PCDHA3: variants seen among roughly 807,000 people sequenced by gnomAD.
PCDHA3 encodes the protein protocadherin alpha 3.
A neutral mutation model predicts 62.2 loss-of-function variants in PCDHA3; 41 were observed. The ratio of observed to expected loss-of-function variants is 0.66; its 90% CI spans 0.51 to 0.86. The LOEUF is 0.86. PCDHA3 is among the 40% of genes least tolerant of loss of function. The probability of loss-of-function intolerance (pLI) is 0.00; values close to 1 mark genes in which losing one functional copy is unlikely to be tolerated. For synonymous variants in PCDHA3, 640 were observed against 555.4 expected, an observed-to-expected ratio of 1.15 and a Z score of -2.14; for missense variants, 1,304 against 1,241.2, an observed-to-expected ratio of 1.05 and a Z score of -0.76.
chr5:140,933,645 G>A lies in PCDHA3; in HGVS notation c.2395-45304G>A, dbSNP rs1014286392. Among the ~76,000 whole-genome samples the A allele has an allele frequency of 3.3e-5, 5 of 151,892 alleles. No individual in the cohort carries two copies. The South Asian group carries it at 8.3e-4, about 25-fold the overall frequency. On this transcript the variant is annotated intron_variant, in intron 1 of 3. Transcript: ENST00000522353. ...TAGGCTGGCCCTGTTAAACAAGTTG[G>A]AAATCCTGTCTCTCTCTCTGTCTCT...
In PCDHA3 at chr5:140,857,896, T is replaced by A; in HGVS notation, c.2394+54305T>A. 4 of 1,597,704 alleles carry A rather than the reference T, an allele frequency of 2.5e-6. 1 individual carries two copies. The highest frequency in any genetic ancestry group is 3.4e-6 in the Non-Finnish European group (4 of 1,167,490). On this transcript the variant is annotated intron_variant, in intron 1 of 3. Coordinates refer to ENST00000522353, the MANE Select transcript of PCDHA3 (RefSeq NM_018906.3). ...ATGAATTGCAGTCGGCGGCGGTTGGTGCACGCATCCCGTTTCGCGTGGGGC... is the reference window on the plus strand; with the variant it reads ...ATGAATTGCAGTCGGCGGCGGTTGGAGCACGCATCCCGTTTCGCGTGGGGC...
intron 1 of PCDHA3, chr5:140,875,646 G>T (rs781973102): frequency 6.2e-7 from 1 of 1,613,722 alleles, no homozygotes; most frequent in Non-Finnish European, 8.5e-7. Context: ...AGCTGGCGGA[G>T]CTGGTGCCGC....
intron 1 of PCDHA3, chr5:140,883,837 G>A (rs1554180178): frequency 6.2e-7 from 1 of 1,612,730 alleles, no homozygotes; most frequent in East Asian, 2.2e-5. Context: ...TGCAGCCGTT[G>A]GACCACGAGG....
At chr5:140,811,558 C>A (rs1764905109) in intron 1 of PCDHA3, 1 of 152,206 alleles carries the variant, frequency 6.6e-6, no homozygotes, top group South Asian at 2.1e-4. Context: ...AGTTCCAGAT[C>A]CTTGAGGAAT....
chr5:140,808,109 A>G, intron 1 of PCDHA3: 1 of 1,614,014 alleles, frequency 6.2e-7, no homozygotes, highest in Non-Finnish European at 8.5e-7. Flanking sequence ...AAAGGGATAT[A>G]TTGACTTTGA....
At chr5:140,870,543 C>T (rs1554164396) in intron 1 of PCDHA3, 6 of 1,614,114 alleles carry the variant, frequency 3.7e-6, no homozygotes, top group South Asian at 1.1e-5. Context: ...CGGCGCGGGA[C>T]GCGGACGCGC....
rs1554168215 is a variant in PCDHA3, at chr5:140,876,039, T to A, written c.2394+72448T>A. 3 of 1,613,746 alleles carry A rather than the reference T, an allele frequency of 1.9e-6. No individual in the cohort carries two copies. Among genetic ancestry groups the A allele is most frequent in the South Asian group, 2.2e-5 (2 of 91,062 alleles). On this transcript the variant is annotated intron_variant, in intron 1 of 3. Transcript: ENST00000522353. ...AAATAAAAACAAAAAAAGATAAAAG[T>A]ATATTGCCTGAATTAGTTCTTCGGA...
intron 1 of PCDHA3, chr5:140,843,313 G>C (rs1554139942): frequency 8.8e-6 from 14 of 1,596,074 alleles, no homozygotes; most frequent in Non-Finnish European, 1.1e-5. Flanking sequence ...CCACGGCCAC[G>C]GTTCTGGTGT....
intron 1 of PCDHA3, chr5:140,857,403 C>T (rs782020024): frequency 1.3e-6 from 2 of 1,598,418 alleles, no homozygotes; most frequent in African/African-American, 2.7e-5. Flanking sequence ...GACAACGCGC[C>T]TGCGTTCGCG....
chr5:140,928,733 A>G (rs1435823697), intron 1 of PCDHA3: 2 of 1,614,100 alleles, frequency 1.2e-6, no homozygotes, highest in Non-Finnish European at 1.7e-6. Context: ...ATTTCAGCCA[A>G]TATAGGTGAG....
chr5:140,858,262 G>A lies in PCDHA3; in HGVS notation c.2394+54671G>A. On this transcript the variant is annotated intron_variant, in intron 1 of 3. Coordinates refer to ENST00000522353, the MANE Select transcript of PCDHA3 (RefSeq NM_018906.3). Reference sequence around the variant, plus strand: ...GTGGGCCGGTGAAGCCCACGCTGGTGTGCTCTAGCGCGGTGGGGAGCTGGT... The same window carrying A: ...GTGGGCCGGTGAAGCCCACGCTGGTATGCTCTAGCGCGGTGGGGAGCTGGT... 2 of 1,597,236 alleles carry A rather than the reference G, an allele frequency of 1.3e-6. 1 individual carries two copies.
At chr5:140,866,125 C>T (rs577622922) in intron 1 of PCDHA3, 6 of 152,174 alleles carry the variant, frequency 3.9e-5, no homozygotes, top group East Asian at 1.9e-4. Flanking sequence ...ATAAGAACTA[C>T]GTATCTGTTG....
chr5:140,829,457 G>C, intron 1 of PCDHA3: 4 of 1,613,878 alleles, frequency 2.5e-6, no homozygotes, highest in Non-Finnish European at 3.4e-6. Context: ...TCCGGCGTTC[G>C]CGCAGCCCGA....
Position 140,858,304 on chromosome 5 carries a change from G to A in PCDHA3, c.2394+54713G>A, listed in dbSNP as rs1370473412. 5 of 1,597,320 alleles carry A rather than the reference G, an allele frequency of 3.1e-6. No homozygotes were observed. In the African/African-American group the frequency reaches 6.7e-5, roughly 21 times the overall value. ...GGAGCTGGTCTTACTCGCAGCAGAG[G>A]CGGCAGAGGGTGTGTTCTGGGGAGG... On this transcript the variant is annotated intron_variant, in intron 1 of 3. Transcript: ENST00000522353.
In PCDHA3 at chr5:140,886,687, A is replaced by G. The variant is rs553566283; in HGVS notation, c.2394+83096A>G. On this transcript the variant is annotated intron_variant, in intron 1 of 3. Coordinates refer to ENST00000522353, the MANE Select transcript of PCDHA3 (RefSeq NM_018906.3). The stretch of plus-strand genomic sequence containing the variant: ...CTAAAAATACAAAAATTAGCGAGGC[A>G]TGGTGGCACGCGCCTGTAATCCCAG... Among the ~76,000 whole-genome samples, 418 of 152,114 alleles carry G rather than the reference A, an allele frequency of 2.7e-3. 2 individuals are homozygous for G. Among genetic ancestry groups the G allele is most frequent in the Middle Eastern group, 0.014 (4 of 294 alleles).
At chr5:140,834,968 A>G in intron 1 of PCDHA3, 1 of 1,508,962 alleles carries the variant, frequency 6.6e-7, no homozygotes, top group Non-Finnish European at 9.0e-7. Flanking sequence ...TTGGACTTGT[A>G]TTACGGAAAC....
At chr5:140,960,279 T>A (rs1220391317) in intron 1 of PCDHA3, among the ~76,000 whole-genome samples, 1 of 152,216 alleles carries the variant, frequency 6.6e-6, no homozygotes, top group African/African-American at 2.4e-5. Flanking sequence ...GTCACCTTTT[T>A]GGGACCCAGT....
At chr5:140,827,797 T>C (rs1488725700) in intron 1 of PCDHA3, among the ~76,000 whole-genome samples, 3 of 152,216 alleles carry the variant, frequency 2.0e-5, no homozygotes, top group Non-Finnish European at 4.4e-5. Flanking sequence ...CCGTGCAAAT[T>C]ACAAACGTGA....
At chr5:140,966,790 T>C in intron 1 of PCDHA3, 1 of 1,529,556 alleles carries the variant, frequency 6.5e-7, no homozygotes, top group Non-Finnish European at 8.8e-7. Context: ...GCACCAGACC[T>C]GCGGCGACAG....
Sources: allele counts gnomAD v4.1 joint callset (sites outside exome capture counted in the v4.1 genomes callset), GRCh38; gene constraint gnomAD v4.1.1; transcripts MANE v1.5; gene names NCBI Gene and HGNC (gene_info 2026-07-23, HGNC 2026-07-21).